The following EML4 variants were observed in gnomAD, a reference collection of about 807,000 sequenced individuals.
EML4 encodes echinoderm microtubule-associated protein-like 4.
EML4 carries 72 observed loss-of-function variants against 129.0 expected under a neutral mutation model. The observed-to-expected ratio is 0.56, with a 90% CI of 0.46 to 0.68. EML4 has a LOEUF of 0.68. Ranked by LOEUF, EML4 falls within the 30% of genes least tolerant of loss-of-function variation. EML4 has a pLI of 0.00. For synonymous variants in EML4, 532 were observed against 405.0 expected (o/e 1.31, Z -3.77); for missense variants, 1,363 against 1,190.6 (o/e 1.14, Z -2.13).
intron 1 of EML4, among the ~76,000 whole-genome samples, chr2:42,239,332 A>G (rs950056013): frequency 2.0e-5 from 3 of 152,252 alleles, no homozygotes; most frequent in African/African-American, 7.2e-5. Context: ...AATGAAACAC[A>G]ATATACTTAC....
chr2:42,194,344 TC>T lies in EML4; in HGVS notation c.25+24709del, dbSNP rs1572857460. 1.2e-4 allele frequency among the ~76,000 whole-genome samples: 13 copies of T among 107,396 alleles called. No homozygotes were observed. The East Asian group carries it at 2.8e-3, about 23-fold the overall frequency. 70.5% of individuals were successfully genotyped at this position (107,396 alleles called of 152,430 possible). A position where few individuals can be genotyped will look rare whatever the true frequency, so the allele number is the denominator to read the frequency against. ...GATCTGTATTTTTCACTTCTCTCTC[TC>T]TCTTTTTTTTTTTTTTGCACTGGAT... On this transcript the variant is annotated intron_variant, in intron 1 of 22. Coordinates refer to ENST00000318522, the MANE Select transcript of EML4 (RefSeq NM_019063.5).
chr2:42,270,348 CAGG>C (rs1362058713), intron 6 of EML4, among the ~76,000 whole-genome samples: 1 of 152,092 alleles, frequency 6.6e-6, no homozygotes, highest in Non-Finnish European at 1.5e-5. Context: ...TGCTTGAGCT[CAGG>C]AGTTCAAGAT....
chr2:42,212,943 G>C (rs1267285854), intron 1 of EML4, among the ~76,000 whole-genome samples: 2 of 152,170 alleles, frequency 1.3e-5, no homozygotes, highest in Non-Finnish European at 2.9e-5. Context: ...TTGGAAGCCA[G>C]TTTTTGCATT....
chr2:42,181,587 C>T (rs189466311), intron 1 of EML4, among the ~76,000 whole-genome samples: 8 of 152,254 alleles, frequency 5.3e-5, no homozygotes, highest in South Asian at 2.1e-4. Flanking sequence ...TGAGCCACCG[C>T]GCCTGGCCAG....
intron 1 of EML4, chr2:42,170,111 C>T (rs1049350357): frequency 6.5e-6 from 1 of 154,330 alleles, no homozygotes; most frequent in Non-Finnish European, 1.4e-5. Flanking sequence ...GGGGAGGGAC[C>T]CTCATTCCCT....
intron 3 of EML4, among the ~76,000 whole-genome samples, chr2:42,258,316 T>A (rs1047836093): frequency 2.6e-5 from 4 of 152,060 alleles, no homozygotes; most frequent in Non-Finnish European, 4.4e-5. Flanking sequence ...TTGGACATAT[T>A]GGAACTCAGT....
At chr2:42,235,279 G>T (rs573362770) in intron 1 of EML4, among the ~76,000 whole-genome samples, 10 of 150,404 alleles carry the variant, frequency 6.6e-5, no homozygotes, top group Non-Finnish European at 1.5e-4. Context: ...TGGGTGACAA[G>T]AGCGAAACTC....
chr2:42,304,294 C>G (rs1200722101), intron 16 of EML4, among the ~76,000 whole-genome samples, 190 bp from the exon 17 acceptor site: 3 of 152,252 alleles, frequency 2.0e-5, no homozygotes, highest in South Asian at 2.1e-4. Context: ...CCTCACCACT[C>G]TGCCAGCATA....
At chr2:42,265,440 G>A (rs978893056) in intron 6 of EML4, among the ~76,000 whole-genome samples, 3 of 151,746 alleles carry the variant, frequency 2.0e-5, no homozygotes, top group African/African-American at 7.3e-5. Flanking sequence ...GAGTTTCACC[G>A]TGTTGGCCAG....
chr2:42,245,408 A>G, intron 1 of EML4, 97 bp from the exon 2 acceptor site: 9 of 1,219,162 alleles, frequency 7.4e-6, no homozygotes, highest in Non-Finnish European at 1.0e-5. Context: ...AATTTTTCTC[A>G]TCTTTTGTAA....
chr2:42,288,343 G>C (rs1667428902), intron 11 of EML4, 21 bp downstream of exon 11: 2 of 1,261,362 alleles, frequency 1.6e-6, no homozygotes, highest in Non-Finnish European at 2.3e-6. Flanking sequence ...AAAAAACCGA[G>C]TATTGTGTTT....
At chr2:42,170,001 C>T in intron 1 of EML4, 1 of 211,854 alleles carries the variant, frequency 4.7e-6, no homozygotes, top group East Asian at 9.0e-5. Flanking sequence ...TTCTTCAAAT[C>T]CAGGCTCCTC....
At chr2:42,229,909 A>AG (rs1279443491) in intron 1 of EML4, among the ~76,000 whole-genome samples, 4 of 82,410 alleles carry the variant, frequency 4.9e-5, no homozygotes, top group African/African-American at 2.1e-4. Context: ...GGTACAAGAA[A>AG]GGAAAGGGGA....
At chr2:42,206,788 C>G (rs1420783799) in intron 1 of EML4, among the ~76,000 whole-genome samples, 1 of 152,228 alleles carries the variant, frequency 6.6e-6, no homozygotes, top group East Asian at 1.9e-4. Flanking sequence ...AAATTTAAAT[C>G]ATCACAGTGA....
intron 1 of EML4, among the ~76,000 whole-genome samples, chr2:42,231,900 G>C (rs1420994004): frequency 2.6e-5 from 4 of 151,734 alleles, no homozygotes; most frequent in Non-Finnish European, 5.9e-5. Flanking sequence ...AGTGAGCCAA[G>C]ATCAAGCCAC....
At chr2:42,305,096 A>G (rs958905967) in intron 17 of EML4, among the ~76,000 whole-genome samples, 1 of 152,092 alleles carries the variant, frequency 6.6e-6, no homozygotes, top group South Asian at 2.1e-4. Flanking sequence ...AGCATGGGCA[A>G]CAGAGCAAGA....
chr2:42,207,685 T>G (rs570191700), intron 1 of EML4, among the ~76,000 whole-genome samples: 1 of 152,278 alleles, frequency 6.6e-6, no homozygotes, highest in South Asian at 2.1e-4. Flanking sequence ...TTGGATTGTT[T>G]TGGGGTCTTT....
At chr2:42,277,700 C>T (rs1354878782) in intron 6 of EML4, among the ~76,000 whole-genome samples, 2 of 151,890 alleles carry the variant, frequency 1.3e-5, no homozygotes, top group Non-Finnish European at 2.9e-5. Context: ...TTCCGAGTAG[C>T]TGGGATTACA....
At chr2:42,318,711 T>C (rs1159510888) in intron 19 of EML4, among the ~76,000 whole-genome samples, 1 of 152,110 alleles carries the variant, frequency 6.6e-6, no homozygotes, top group Non-Finnish European at 1.5e-5. Flanking sequence ...TGTTTTGTTT[T>C]GTTTTCTGTT....
Sources: allele counts gnomAD v4.1 joint callset (sites outside exome capture counted in the v4.1 genomes callset), GRCh38; gene constraint gnomAD v4.1.1; transcripts MANE v1.5; gene names NCBI Gene and HGNC (gene_info 2026-07-23, HGNC 2026-07-21).